The following SASH1 variants were observed in gnomAD, a reference collection of about 807,000 sequenced individuals.
SASH1 encodes the protein SAM and SH3 domain-containing protein 1.
In SASH1, 44 loss-of-function variants were observed where a neutral mutation model predicts 125.2. The ratio of observed to expected loss-of-function variants is 0.35; its 90% CI spans 0.28 to 0.45. SASH1 has a LOEUF of 0.45. SASH1 is among the 20% of genes least tolerant of loss of function. The pLI, the probability that SASH1 is intolerant of heterozygous loss-of-function variation, is 1.00. For missense variants in SASH1, 1,426 were observed against 1,614.5 expected (o/e 0.88, Z 2.00); for synonymous variants, 639 against 649.1 (o/e 0.98, Z 0.24).
intron 1 of SASH1, among the ~76,000 whole-genome samples, chr6:148,353,435 ATTTTTTT>A (rs377513066): frequency 7.4e-5 from 8 of 108,798 alleles, no homozygotes; most frequent in East Asian, 2.7e-4. Context: ...TTTAAGATTG[ATTTTTTT>A]TTTTTTTTTT....
chr6:148,488,695 G>T (rs1778977977), intron 8 of SASH1, among the ~76,000 whole-genome samples: 1 of 152,116 alleles, frequency 6.6e-6, no homozygotes, highest in African/African-American at 2.4e-5. Context: ...TTATCCTAAT[G>T]GTGTGAAATG....
intron 8 of SASH1, among the ~76,000 whole-genome samples, chr6:148,500,921 G>C (rs1359082961): frequency 6.6e-6 from 1 of 152,168 alleles, no homozygotes; most frequent in Non-Finnish European, 1.5e-5. Flanking sequence ...TGACCACAAA[G>C]AACCTTTCTA....
At chr6:148,399,856 G>A (rs1033695395) in intron 2 of SASH1, among the ~76,000 whole-genome samples, 8 of 152,184 alleles carry the variant, frequency 5.3e-5, no homozygotes, top group Admixed American at 3.3e-4. Flanking sequence ...GACCATTCAG[G>A]GGGTGAACGA....
intron 1 of SASH1, among the ~76,000 whole-genome samples, chr6:148,369,656 CA>C (rs11286253): frequency 0.76 from 114,872 of 151,928 alleles, 43,703 homozygotes; most frequent in South Asian, 0.83. Flanking sequence ...CTTTCCATGA[CA>C]AAAAAACCCA....
chr6:148,334,628 A>G (rs1347003110), intron 1 of SASH1, among the ~76,000 whole-genome samples: 1 of 151,780 alleles, frequency 6.6e-6, no homozygotes, highest in East Asian at 1.9e-4. Flanking sequence ...CCTGGCCAAC[A>G]TGGTGAAACC....
Position 148,519,489 on chromosome 6 carries a change from A to C in SASH1, c.863-58A>C. The stretch of plus-strand genomic sequence containing the variant: ...GGAGAAAGGTGGTGAATGTAAAGAA[A>C]GATGTATGCAAGAATGCAAAGGTGT... On this transcript the variant is annotated intron_variant, in intron 9 of 19. Transcript: ENST00000367467. The surrounding 1 kb of genome is among the most constrained non-coding windows in gnomAD (Gnocchi z 4.8). The C allele has an allele frequency of 7.8e-7, 1 of 1,277,926 alleles. No homozygotes were observed. The highest frequency in any genetic ancestry group is 1.1e-6 in the Non-Finnish European group (1 of 896,310). The allele number at this position is 1,277,926 out of a possible 1,614,324, so 79.2% of individuals were successfully genotyped here. A position where few individuals can be genotyped will look rare whatever the true frequency, so the allele number is the denominator to read the frequency against.
chr6:148,201,121 G>C, the SASH1 span, among the ~76,000 whole-genome samples: 2 of 152,180 alleles, frequency 1.3e-5, no homozygotes, highest in African/African-American at 4.8e-5. Flanking sequence ...CTCTTAGAGT[G>C]ATAGTAGAAG....
intron 12 of SASH1, among the ~76,000 whole-genome samples, chr6:148,528,750 A>G (rs182404197): frequency 5.8e-4 from 88 of 152,212 alleles, no homozygotes; most frequent in Middle Eastern, 3.4e-3. Context: ...GTGGAAGGCA[A>G]TTTTTCCACG....
chr6:148,370,742 G>T (rs1782674454), intron 1 of SASH1, among the ~76,000 whole-genome samples: 1 of 151,972 alleles, frequency 6.6e-6, no homozygotes. Context: ...AGAATGAAGT[G>T]AACCCGGGAG....
chr6:148,244,410 C>T, the SASH1 span, among the ~76,000 whole-genome samples: 1 of 152,174 alleles, frequency 6.6e-6, no homozygotes, highest in Admixed American at 6.5e-5. Context: ...ACAAGACAAC[C>T]ACATCAGAAT....
chr6:148,531,288 A>G (rs962677748), intron 12 of SASH1, among the ~76,000 whole-genome samples: 1 of 152,150 alleles, frequency 6.6e-6, no homozygotes, highest in Non-Finnish European at 1.5e-5. Context: ...TGGAGATTCC[A>G]AGAATATCTA....
intron 1 of SASH1, among the ~76,000 whole-genome samples, chr6:148,318,882 G>C (rs4469319): frequency 0.23 from 34,213 of 151,830 alleles, 4,017 homozygotes; most frequent in East Asian, 0.34. Flanking sequence ...TTTTCACACA[G>C]AGAATATTTT....
chr6:148,293,463 G>A (rs1337494594), intron 1 of SASH1, among the ~76,000 whole-genome samples: 4 of 152,150 alleles, frequency 2.6e-5, no homozygotes, highest in South Asian at 2.1e-4. Context: ...CACAGGTTTC[G>A]GAGATGGCAC....
At chr6:148,514,795 C>T (rs1247772520) in intron 9 of SASH1, among the ~76,000 whole-genome samples, 1 of 152,160 alleles carries the variant, frequency 6.6e-6, no homozygotes, top group African/African-American at 2.4e-5. Context: ...CATGAGCCTC[C>T]AATCCCAGAA....
the SASH1 span, among the ~76,000 whole-genome samples, chr6:148,231,138 G>A: frequency 2.1e-4 from 32 of 152,204 alleles, no homozygotes; most frequent in Middle Eastern, 3.4e-3. Flanking sequence ...TTATCCACCC[G>A]GAGTTAACTT....
intron 4 of SASH1, 46 bp from the exon 5 acceptor site, chr6:148,468,499 A>G (rs1421625613): frequency 8.0e-6 from 12 of 1,491,748 alleles, no homozygotes; most frequent in Non-Finnish European, 1.1e-5. Context: ...CAGTTCTCCC[A>G]TGAAAGCAAG....
At chr6:148,511,476 G>C (rs1780136259) in intron 8 of SASH1, among the ~76,000 whole-genome samples, 1 of 151,944 alleles carries the variant, frequency 6.6e-6, no homozygotes, top group South Asian at 2.1e-4. Context: ...GAAGGACTTG[G>C]TTGCCATGGT....
intron 1 of SASH1, among the ~76,000 whole-genome samples, chr6:148,331,618 C>T (rs1373523907): frequency 1.3e-5 from 2 of 151,880 alleles, no homozygotes; most frequent in East Asian, 1.9e-4. Context: ...TGTCAGCCAC[C>T]GCACCCAGCC....
At chr6:148,394,392 C>T (rs1008164953) in intron 2 of SASH1, among the ~76,000 whole-genome samples, 46 of 152,280 alleles carry the variant, frequency 3.0e-4, no homozygotes, top group South Asian at 8.3e-4. Flanking sequence ...ACTGAAAGTT[C>T]CCTCTCACAG....
Sources: allele counts gnomAD v4.1 joint callset (sites outside exome capture counted in the v4.1 genomes callset), GRCh38; gene constraint gnomAD v4.1.1; non-coding constraint Gnocchi (gnomAD v3.1); transcripts MANE v1.5; gene names NCBI Gene and HGNC (gene_info 2026-07-23, HGNC 2026-07-21).